SLCO4C1: variants seen among roughly 807,000 people sequenced by gnomAD.
The protein encoded by SLCO4C1 is organic anion transporter M1.
In SLCO4C1, 58 loss-of-function variants were observed where a neutral mutation model predicts 72.1. That is an observed-to-expected ratio of 0.80 (90% confidence interval 0.65 to 1.00). The LOEUF is 1.00. Ranked by LOEUF, SLCO4C1 falls within the 50% of genes least tolerant of loss-of-function variation. SLCO4C1 has a pLI of 0.00. For synonymous variants in SLCO4C1, 297 were observed against 312.5 expected (o/e 0.95, Z 0.52); for missense variants, 898 against 857.9 (o/e 1.05, Z -0.58).
chr5:102,246,541 T>C (rs1748639231), intron 10 of SLCO4C1, among the ~76,000 whole-genome samples: 3 of 152,016 alleles, frequency 2.0e-5, no homozygotes, highest in Admixed American at 6.6e-5. Flanking sequence ...CAGGACCTAA[T>C]GGCTTCAGTG....
Position 102,278,052 on chromosome 5 carries a change from C to G in SLCO4C1, c.620-7246G>C, listed in dbSNP as rs577677610. Among the ~76,000 whole-genome samples, 4 of 151,692 alleles carry G rather than the reference C, an allele frequency of 2.6e-5. No individual in the cohort carries two copies. The South Asian group carries it at 8.3e-4, about 31-fold the overall frequency. On this transcript the variant is annotated intron_variant, in intron 2 of 12. Coordinates refer to ENST00000310954, the MANE Select transcript of SLCO4C1 (RefSeq NM_180991.5). ...TTACATGTAAATGGTCTGAATATTA[C>G]AATTAAAGGATATTGACATAGTGAA...
At chr5:102,291,762 A>C (rs1231589260) in intron 1 of SLCO4C1, among the ~76,000 whole-genome samples, 156 bp from the exon 2 acceptor site, 1 of 151,952 alleles carries the variant, frequency 6.6e-6, no homozygotes, top group Non-Finnish European at 1.5e-5. Context: ...CAACCTAAAC[A>C]TATTTCCTTG....
In SLCO4C1 at chr5:102,260,320, CTAA is replaced by C; in HGVS notation, c.1022-4_1022-2del. ...TTTCCAGCTTGAATTTCTGCTGTAC[CTAA>C]AAAAAAAATATATATATATATATAA... On this transcript the variant is annotated splice_acceptor_variant and splice_polypyrimidine_tract_variant and intron_variant, in intron 5 of 12. Transcript: ENST00000310954. LOFTEE classifies it high-confidence loss of function. The C allele has an allele frequency of 1.5e-6, 1 of 667,256 alleles. No individual in the cohort carries two copies. Among genetic ancestry groups the C allele is most frequent in the Non-Finnish European group, 2.0e-6 (1 of 509,902 alleles). The allele number at this position is 667,256 out of a possible 1,614,324, so 41.3% of individuals were successfully genotyped here.
chr5:102,260,088 G>GGTGTA, intron 6 of SLCO4C1, 125 bp downstream of exon 6: 1 of 247,322 alleles, frequency 4.0e-6, no homozygotes, highest in Non-Finnish European at 8.0e-6. Flanking sequence ...GGTTGTATTT[G>GGTGTA]TATATATATA....
At chr5:102,248,923 A>T (rs1377960162) in intron 9 of SLCO4C1, among the ~76,000 whole-genome samples, 2 of 152,190 alleles carry the variant, frequency 1.3e-5, no homozygotes, top group Non-Finnish European at 2.9e-5. Context: ...AACTGTACAG[A>T]AAAGAAATAA....
At position 102,296,194 on chromosome 5, in the gene SLCO4C1, C is replaced by A; in HGVS notation, c.69G>T (p.Leu23Phe). 1 of 1,605,324 alleles carries A rather than the reference C, an allele frequency of 6.2e-7. No individual in the cohort carries two copies. Among genetic ancestry groups the A allele is most frequent in the South Asian group, 1.1e-5 (1 of 90,302 alleles). ...VPSSPDILRR[L>F]SASPSQIEVS... is the part of the protein sequence containing the mutation. ...CTTCGATTTGGGAGGGCGACGCAGA[C>A]AAGCGGCGCAGGATGTCTGGGCTGG... The change falls in exon 1 of 13, where the codon TTG becomes TTT. Residue 23 changes from leucine (L) to phenylalanine (F), a missense_variant. Physicochemically the swap from Leu to Phe is conservative, Grantham distance 22 (BLOSUM62 0). Transcript: ENST00000310954.
At chr5:102,264,691 A>G (rs1381276651) in intron 3 of SLCO4C1, among the ~76,000 whole-genome samples, 1 of 151,614 alleles carries the variant, frequency 6.6e-6, no homozygotes, top group Non-Finnish European at 1.5e-5. Context: ...AACTATATTC[A>G]ATCTACAGTG....
rs1413152430 is a variant in SLCO4C1, at chr5:102,239,377, C to G, written c.1888G>C (p.Gly630Arg). The G allele has an allele frequency of 6.3e-7, 1 of 1,579,008 alleles. No homozygotes were observed. The highest frequency in any genetic ancestry group is 2.3e-5 in the East Asian group (1 of 43,716). The change falls in exon 12 of 13, where the codon GGA becomes CGA. Residue 630 changes from glycine to arginine, a missense_variant. By Grantham distance (125) the Gly-to-Arg change is moderately radical. Coordinates refer to ENST00000310954, the MANE Select transcript of SLCO4C1 (RefSeq NM_180991.5). ...ATTGTGAAACCAAATATAATTGGTCCAGGAATTGTCCCTAAAAGAATTATG... is the reference window on the plus strand; with the variant it reads ...ATTGTGAAACCAAATATAATTGGTCGAGGAATTGTCCCTAAAAGAATTATG... Reference protein sequence around the residue: ...MVLRLLGTIPGPIIFGFTIDS... With the variant: ...MVLRLLGTIPRPIIFGFTIDS...
chr5:102,291,225 G>T, intron 2 of SLCO4C1, 118 bp downstream of exon 2: 1 of 1,002,480 alleles, frequency 1.0e-6, no homozygotes, highest in Non-Finnish European at 1.5e-6. Flanking sequence ...AACCAGTGAG[G>T]TGTGGAAGAG....
intron 3 of SLCO4C1, among the ~76,000 whole-genome samples, chr5:102,266,313 C>A: frequency 6.6e-6 from 1 of 152,096 alleles, no homozygotes; most frequent in Non-Finnish European, 1.5e-5. Flanking sequence ...TGCCTAAGTG[C>A]TCTGAATAGG....
Position 102,287,759 on chromosome 5 carries a change from T to C in SLCO4C1, c.619+3584A>G, listed in dbSNP as rs564929062. 2.0e-5 allele frequency among the ~76,000 whole-genome samples: 3 copies of C among 152,114 alleles called. No individual in the cohort carries two copies. The East Asian group carries it at 5.8e-4, about 29-fold the overall frequency. On this transcript the variant is annotated intron_variant, in intron 2 of 12. Transcript: ENST00000310954. Reference sequence around the variant, plus strand: ...TTAGTAGAGACGGGGTTTCACTGTGTTGGCCAGGCTGGTTTCGAACTCCTG... The same window carrying C: ...TTAGTAGAGACGGGGTTTCACTGTGCTGGCCAGGCTGGTTTCGAACTCCTG...
At chr5:102,251,344 AC>A (rs1363562148) in intron 8 of SLCO4C1, among the ~76,000 whole-genome samples, 1 of 152,250 alleles carries the variant, frequency 6.6e-6, no homozygotes, top group East Asian at 1.9e-4. Context: ...GTAGGTGATG[AC>A]AATATAAAGG....
At chr5:102,275,384 T>C (rs1392994744) in intron 2 of SLCO4C1, among the ~76,000 whole-genome samples, 2 of 152,132 alleles carry the variant, frequency 1.3e-5, no homozygotes, top group Non-Finnish European at 2.9e-5. Context: ...GTTGAAATAG[T>C]TGATGTACCT....
chr5:102,260,648 C>T (rs1187307346), intron 5 of SLCO4C1, among the ~76,000 whole-genome samples: 1 of 151,970 alleles, frequency 6.6e-6, no homozygotes, highest in African/African-American at 2.4e-5. Context: ...AATCACACAT[C>T]TATGCTTTTC....
rs1468756468 is a variant in SLCO4C1 at position 102,240,730 on chromosome 5, G to A, written c.1864C>T (p.Leu622Phe). 3 of 1,609,570 alleles carry A rather than the reference G, an allele frequency of 1.9e-6. No individual in the cohort carries two copies. The highest frequency in any genetic ancestry group is 2.5e-6 in the Non-Finnish European group (3 of 1,177,372). The stretch of plus-strand genomic sequence containing the variant: ...AAAAATGGCATACCTAATAATCGAA[G>A]GACCATAAATTGTATTCCCAAGGCT... ...SLALGIQFMV[L>F]RLLGTIPGPI... is the part of the protein sequence containing the mutation. The change falls in exon 11 of 13, where the codon CTT becomes TTT. Residue 622 changes from leucine (L) to phenylalanine (F), a missense_variant. By Grantham distance (22) the Leu-to-Phe change is conservative. Transcript: ENST00000310954.
At chr5:102,262,969 A>T (rs1319891728) in intron 4 of SLCO4C1, among the ~76,000 whole-genome samples, 4 of 152,178 alleles carry the variant, frequency 2.6e-5, no homozygotes, top group Non-Finnish European at 5.9e-5. Context: ...CCCAGTGGCA[A>T]AATGAAAAAA....
At chr5:102,289,286 G>A (rs1749511168) in intron 2 of SLCO4C1, among the ~76,000 whole-genome samples, 1 of 152,194 alleles carries the variant, frequency 6.6e-6, no homozygotes, top group Non-Finnish European at 1.5e-5. Context: ...ACCTTAATTT[G>A]TGGCAATTTT....
intron 2 of SLCO4C1, among the ~76,000 whole-genome samples, chr5:102,283,739 C>T (rs929053008): frequency 1.3e-5 from 2 of 151,924 alleles, no homozygotes; most frequent in Admixed American, 1.3e-4. Context: ...AAGAGAATTG[C>T]TAACATTTTA....
chr5:102,278,248 A>T (rs1277272290), intron 2 of SLCO4C1, among the ~76,000 whole-genome samples: 1 of 152,184 alleles, frequency 6.6e-6, no homozygotes, highest in African/African-American at 2.4e-5. Flanking sequence ...AGAGCAAAAA[A>T]ATTTACTTGA....
Sources: allele counts gnomAD v4.1 joint callset (sites outside exome capture counted in the v4.1 genomes callset), GRCh38; gene constraint gnomAD v4.1.1; transcripts MANE v1.5; gene names NCBI Gene and HGNC (gene_info 2026-07-23, HGNC 2026-07-21).